Variants in VWC2 observed in about 807,000 individuals in gnomAD.
VWC2 encodes the protein brorin.
A neutral mutation model predicts 29.8 loss-of-function variants in VWC2; 14 were observed. The ratio of observed to expected loss-of-function variants is 0.47; its 90% CI spans 0.31 to 0.74. VWC2 has a LOEUF of 0.74. Among genes scored for constraint, VWC2 ranks in the 30% least tolerant of loss-of-function variants. VWC2 has a pLI of 0.05. For synonymous variants in VWC2, 213 were observed against 199.0 expected (o/e 1.07, Z -0.59); for missense variants, 457 against 459.8 (o/e 0.99, Z 0.05).
intron 2 of VWC2, among the ~76,000 whole-genome samples, chr7:49,802,502 G>C (rs1413864386): frequency 1.3e-5 from 2 of 152,158 alleles, no homozygotes; most frequent in Admixed American, 6.5e-5. Flanking sequence ...GCCAGGCATA[G>C]TGGTGGGTGC....
At chr7:49,889,936 A>G (rs1792061932) in intron 3 of VWC2, among the ~76,000 whole-genome samples, 1 of 152,198 alleles carries the variant, frequency 6.6e-6, no homozygotes, top group African/African-American at 2.4e-5. Context: ...GTTTTGCAAA[A>G]GAGTCAAATA....
intron 2 of VWC2, among the ~76,000 whole-genome samples, chr7:49,791,076 A>C (rs769609): frequency 0.46 from 70,448 of 151,804 alleles, 17,024 homozygotes; most frequent in East Asian, 0.85. Flanking sequence ...GTGTGTTTTC[A>C]CTCCATAAAA....
chr7:49,841,282 GAA>G (rs1321790121), intron 3 of VWC2, among the ~76,000 whole-genome samples: 1 of 150,690 alleles, frequency 6.6e-6, no homozygotes, highest in Non-Finnish European at 1.5e-5. Flanking sequence ...AGTATTTGCT[GAA>G]ACAGCCTAAG....
intron 3 of VWC2, among the ~76,000 whole-genome samples, chr7:49,838,201 A>G (rs1388419313): frequency 1.3e-5 from 2 of 152,244 alleles, no homozygotes; most frequent in Non-Finnish European, 2.9e-5. Context: ...CAGGGCTTAT[A>G]ACCTCAGTAA....
chr7:49,802,579 G>C, intron 2 of VWC2, 132 bp from the exon 3 acceptor site: 1 of 1,225,652 alleles, frequency 8.2e-7, no homozygotes, highest in Non-Finnish European at 1.1e-6. Flanking sequence ...CAGAGGTTGC[G>C]GTGAGCCGAG....
chr7:49,861,797 T>C (rs530433334), intron 3 of VWC2, among the ~76,000 whole-genome samples: 2 of 152,202 alleles, frequency 1.3e-5, no homozygotes, highest in South Asian at 4.1e-4. Context: ...CAAAAATCAG[T>C]TGGATGCAGA....
At chr7:49,800,593 C>G (rs527543661) in intron 2 of VWC2, among the ~76,000 whole-genome samples, 87 of 152,210 alleles carry the variant, frequency 5.7e-4, no homozygotes, top group African/African-American at 2.0e-3. Flanking sequence ...ATCATGTAAT[C>G]CACACCACCT....
intron 1 of VWC2, 77 bp from the exon 2 acceptor site, chr7:49,775,256 G>C (rs1788024415): frequency 3.3e-6 from 1 of 305,900 alleles, no homozygotes. Flanking sequence ...AGCTATGCCG[G>C]AGCCCGGGTG....
rs112017427 is a variant in VWC2, at chr7:49,853,298, G to A, written c.826+50458G>A. ...TAGTCTCCCTTAGGAACCTGTGGCC[G>A]GCCCCCAGCACTTGCCCATGGGGGC... On this transcript the variant is annotated intron_variant, in intron 3 of 3. Coordinates refer to ENST00000340652, the MANE Select transcript of VWC2 (RefSeq NM_198570.5). Among the ~76,000 whole-genome samples the A allele has an allele frequency of 1.8e-3, 272 of 152,310 alleles. 3 individuals are homozygous for A. The highest frequency in any genetic ancestry group is 6.1e-3 in the African/African-American group (253 of 41,566).
At chr7:49,792,918 A>G (rs895200591) in intron 2 of VWC2, among the ~76,000 whole-genome samples, 2 of 152,204 alleles carry the variant, frequency 1.3e-5, no homozygotes, top group Non-Finnish European at 2.9e-5. Flanking sequence ...TATGAGGTCC[A>G]GGACCAAGTT....
At chr7:49,816,845 C>T (rs1001896852) in intron 3 of VWC2, among the ~76,000 whole-genome samples, 1 of 152,192 alleles carries the variant, frequency 6.6e-6, no homozygotes, top group Non-Finnish European at 1.5e-5. Flanking sequence ...TTTGCTTCCC[C>T]TCTTCAGTTT....
At chr7:49,884,061 A>G (rs1434437513) in intron 3 of VWC2, among the ~76,000 whole-genome samples, 1 of 152,212 alleles carries the variant, frequency 6.6e-6, no homozygotes, top group Non-Finnish European at 1.5e-5. Flanking sequence ...GGGGCATCAC[A>G]CACTTCAAGA....
At chr7:49,783,028 G>T (rs1247307881) in intron 2 of VWC2, among the ~76,000 whole-genome samples, 1 of 152,024 alleles carries the variant, frequency 6.6e-6, no homozygotes, top group Non-Finnish European at 1.5e-5. Flanking sequence ...AGGTAGCCAC[G>T]CCCTGGTCCA....
chr7:49,871,190 A>G (rs945019902), intron 3 of VWC2, among the ~76,000 whole-genome samples: 1 of 152,190 alleles, frequency 6.6e-6, no homozygotes, highest in African/African-American at 2.4e-5. Flanking sequence ...ATAAAAACGA[A>G]TAATAATATC....
intron 2 of VWC2, among the ~76,000 whole-genome samples, chr7:49,783,167 A>AT (rs1237645566): frequency 6.6e-6 from 1 of 152,136 alleles, no homozygotes; most frequent in Non-Finnish European, 1.5e-5. Flanking sequence ...CAACGGAAAC[A>AT]TTATTCTTAC....
At chr7:49,922,051 T>G, downstream of VWC2, 2 of 152,334 alleles carry the variant, frequency 1.3e-5, no homozygotes, top group Admixed American at 1.3e-4. Context: ...ATATACGTCA[T>G]TAAAAATACT....
intron 3 of VWC2, among the ~76,000 whole-genome samples, chr7:49,893,952 G>C (rs1208776499): frequency 6.6e-6 from 1 of 152,192 alleles, no homozygotes; most frequent in African/African-American, 2.4e-5. Context: ...ACAAGCAGAT[G>C]CTGGACCCTG....
intron 2 of VWC2, among the ~76,000 whole-genome samples, chr7:49,800,361 G>A (rs963589821): frequency 1.3e-5 from 2 of 152,282 alleles, no homozygotes; most frequent in East Asian, 1.9e-4. Context: ...CCTCCCCGGC[G>A]ATATGACATA....
At chr7:49,803,696 C>T (rs544331319) in intron 3 of VWC2, among the ~76,000 whole-genome samples, 8 of 152,170 alleles carry the variant, frequency 5.3e-5, no homozygotes, top group African/African-American at 1.2e-4. Flanking sequence ...GTTGCTGGAC[C>T]GAGGCTTGAT....
Sources: allele counts gnomAD v4.1 joint callset (sites outside exome capture counted in the v4.1 genomes callset), GRCh38; gene constraint gnomAD v4.1.1; transcripts MANE v1.5; gene names NCBI Gene and HGNC (gene_info 2026-07-23, HGNC 2026-07-21).